The following GRK5 variants were observed in gnomAD, a reference collection of about 807,000 sequenced individuals.
GRK5 encodes G protein-coupled receptor kinase 5, also known as g protein-coupled receptor kinase GRK5.
A neutral mutation model predicts 78.4 loss-of-function variants in GRK5; 40 were observed. That is an observed-to-expected ratio of 0.51 (90% CI 0.40 to 0.66). GRK5 has a LOEUF of 0.66. GRK5 is among the 30% of genes least tolerant of loss of function. The pLI, the probability that GRK5 is intolerant of heterozygous loss-of-function variation, is 0.00. For missense variants in GRK5, 598 were observed against 759.9 expected (o/e 0.79, Z 2.50); for synonymous variants, 289 against 296.8 (o/e 0.97, Z 0.27).
At chr10:119,394,856 C>CT (rs1554916520) in intron 3 of GRK5, among the ~76,000 whole-genome samples, 1 of 148,608 alleles carries the variant, frequency 6.7e-6, no homozygotes, top group Admixed American at 6.7e-5. Flanking sequence ...TGTGTGCACA[C>CT]ATGTGCACTC....
At chr10:119,344,877 CCTTCCTTCCT>C (rs1851054581) in intron 2 of GRK5, among the ~76,000 whole-genome samples, 9 of 72,430 alleles carry the variant, frequency 1.2e-4, no homozygotes, top group African/African-American at 4.7e-4. Context: ...ACCCACCCTT[CCTTCCTTCCT>C]TCCTTCCTTC....
chr10:119,357,715 T>G (rs1851286011), intron 2 of GRK5, among the ~76,000 whole-genome samples: 1 of 152,244 alleles, frequency 6.6e-6, no homozygotes, highest in South Asian at 2.1e-4. Flanking sequence ...GCAAGAGGGC[T>G]GTCCCCAGGT....
chr10:119,404,095 G>A (rs894408289), intron 4 of GRK5, among the ~76,000 whole-genome samples: 2 of 152,208 alleles, frequency 1.3e-5, no homozygotes, highest in African/African-American at 4.8e-5. Context: ...TTGAGGAACT[G>A]CTGGGCTGTT....
chr10:119,350,493 A>G (rs1199960797), intron 2 of GRK5, among the ~76,000 whole-genome samples: 1 of 152,216 alleles, frequency 6.6e-6, no homozygotes, highest in Non-Finnish European at 1.5e-5. Flanking sequence ...CATCTTTGTC[A>G]CAGCTCACAT....
At chr10:119,446,784 G>GTT (rs1314897279) in intron 12 of GRK5, among the ~76,000 whole-genome samples, 1 of 152,140 alleles carries the variant, frequency 6.6e-6, no homozygotes, top group Non-Finnish European at 1.5e-5. Context: ...CGATTCCTTT[G>GTT]TTTGGGGGGC....
intron 3 of GRK5, among the ~76,000 whole-genome samples, chr10:119,394,186 CTGTG>C (rs1169930999): frequency 1.2e-3 from 19 of 15,554 alleles, no homozygotes; most frequent in South Asian, 4.6e-3. Context: ...GTGTGGGTGT[CTGTG>C]TATGGGGGTG....
chr10:119,368,057 T>C (rs1851479711), intron 2 of GRK5, among the ~76,000 whole-genome samples: 1 of 152,204 alleles, frequency 6.6e-6, no homozygotes, highest in African/African-American at 2.4e-5. Context: ...CGGCCCTCCG[T>C]GGCTTTTGCT....
chr10:119,345,354 A>G (rs1237616850), intron 2 of GRK5, among the ~76,000 whole-genome samples: 5 of 152,174 alleles, frequency 3.3e-5, no homozygotes, highest in Non-Finnish European at 5.9e-5. Flanking sequence ...CCAGCCCCGC[A>G]ATCCAGCTGC....
At chr10:119,296,914 C>T (rs951261778) in intron 1 of GRK5, among the ~76,000 whole-genome samples, 2 of 152,202 alleles carry the variant, frequency 1.3e-5, no homozygotes, top group African/African-American at 4.8e-5. Context: ...GAAAGACATA[C>T]TGGTCACCCT....
chr10:119,302,922 G>C (rs1850208160), intron 1 of GRK5, among the ~76,000 whole-genome samples: 1 of 152,182 alleles, frequency 6.6e-6, no homozygotes, highest in Non-Finnish European at 1.5e-5. Flanking sequence ...AGGTAGTGCT[G>C]GTGATGCTGG....
intron 4 of GRK5, among the ~76,000 whole-genome samples, chr10:119,402,426 C>A (rs912511116): frequency 3.9e-5 from 6 of 152,152 alleles, no homozygotes; most frequent in African/African-American, 1.4e-4. Context: ...AGAAGTGATA[C>A]AGGTGACAGG....
At chr10:119,417,152 G>T (rs1479896146) in intron 4 of GRK5, among the ~76,000 whole-genome samples, 1 of 152,184 alleles carries the variant, frequency 6.6e-6, no homozygotes, top group Non-Finnish European at 1.5e-5. Flanking sequence ...CTTGTGCTTG[G>T]GTCCCTACCT....
intron 1 of GRK5, among the ~76,000 whole-genome samples, chr10:119,320,435 C>T (rs1198864809): frequency 6.6e-6 from 1 of 152,178 alleles, no homozygotes; most frequent in Non-Finnish European, 1.5e-5. Flanking sequence ...TGAATGAGTC[C>T]ATGAAAATGT....
At chr10:119,441,363 T>C (rs569548080) in intron 10 of GRK5, among the ~76,000 whole-genome samples, 1 of 151,846 alleles carries the variant, frequency 6.6e-6, no homozygotes, top group African/African-American at 2.4e-5. Flanking sequence ...TCCTGTGGGG[T>C]AAGTTGTGGC....
chr10:119,351,432 C>T (rs979028673), intron 2 of GRK5, among the ~76,000 whole-genome samples: 29 of 152,046 alleles, frequency 1.9e-4, no homozygotes, highest in African/African-American at 7.0e-4. Context: ...GTGAATAAGC[C>T]TCACCAGATC....
chr10:119,207,814 C>T lies in GRK5; in HGVS notation c.-104C>T. 2.7e-6 allele frequency: 3 copies of T among 1,127,600 alleles called. No individual in the cohort carries two copies. The highest frequency in any genetic ancestry group is 3.8e-6 in the Non-Finnish European group (3 of 799,736). The allele number at this position is 1,127,600 out of a possible 1,614,324, so 69.8% of individuals were successfully genotyped here. On this transcript the variant is annotated 5_prime_UTR_variant, in exon 1 of 16. Coordinates refer to ENST00000392870, the MANE Select transcript of GRK5 (RefSeq NM_005308.3). ...CAAGGCGGGCTGCTGGCTCCCCCGG[C>T]TCCGGCAGCAGCGGCGGCAGCCCGA...
chr10:119,215,406 G>C (rs1343352621), intron 1 of GRK5, among the ~76,000 whole-genome samples: 1 of 151,814 alleles, frequency 6.6e-6, no homozygotes, highest in East Asian at 1.9e-4. Flanking sequence ...GAAGCAGAGG[G>C]AGGCAGGGAG....
intron 1 of GRK5, among the ~76,000 whole-genome samples, chr10:119,272,467 T>C (rs1165277944): frequency 6.7e-6 from 1 of 150,216 alleles, no homozygotes; most frequent in Non-Finnish European, 1.5e-5. Context: ...TCCCAGCTAC[T>C]CAGGAGGCTG....
intron 4 of GRK5, among the ~76,000 whole-genome samples, chr10:119,403,932 A>G (rs977554391): frequency 2.0e-5 from 3 of 152,166 alleles, no homozygotes; most frequent in African/African-American, 7.2e-5. Context: ...ACCGTGTCCA[A>G]CCTGCTTCTA....
Sources: allele counts gnomAD v4.1 joint callset (sites outside exome capture counted in the v4.1 genomes callset), GRCh38; gene constraint gnomAD v4.1.1; transcripts MANE v1.5; gene names NCBI Gene and HGNC (gene_info 2026-07-23, HGNC 2026-07-21).